Variants in TSHZ2 observed in about 807,000 individuals in gnomAD.
The protein encoded by TSHZ2 is teashirt homolog 2.
A neutral mutation model predicts 74.4 loss-of-function variants in TSHZ2; 21 were observed. The observed-to-expected ratio is 0.28, with a 90% confidence interval of 0.20 to 0.41. The LOEUF is 0.41. TSHZ2 is among the 10% of genes least tolerant of loss of function. The probability of loss-of-function intolerance (pLI) is 1.00; values close to 1 mark genes in which losing one functional copy is unlikely to be tolerated. For synonymous variants in TSHZ2, 540 were observed against 515.3 expected (o/e 1.05, Z -0.65); for missense variants, 1,244 against 1,293.5 (o/e 0.96, Z 0.59).
At chr20:53,371,870 G>A (rs1396542516) in intron 2 of TSHZ2, among the ~76,000 whole-genome samples, 1 of 133,272 alleles carries the variant, frequency 7.5e-6, no homozygotes, top group Non-Finnish European at 1.5e-5. Flanking sequence ...GAGAGACTCC[G>A]TCTCAAAAAA....
chr20:53,151,073 G>A (rs1384990119), intron 1 of TSHZ2, among the ~76,000 whole-genome samples: 1 of 152,126 alleles, frequency 6.6e-6, no homozygotes, highest in East Asian at 1.9e-4. Flanking sequence ...ATGTATTTAA[G>A]GCCTTATCAT....
intron 1 of TSHZ2, among the ~76,000 whole-genome samples, chr20:53,163,281 C>T (rs1235836956): frequency 6.8e-6 from 1 of 146,384 alleles, no homozygotes; most frequent in African/African-American, 2.5e-5. Context: ...ATATGGCAAA[C>T]ATATTGGGAT....
At chr20:53,224,322 T>A (rs1329232089) in intron 1 of TSHZ2, among the ~76,000 whole-genome samples, 1 of 152,076 alleles carries the variant, frequency 6.6e-6, no homozygotes, top group Non-Finnish European at 1.5e-5. Context: ...AGCAATAAAG[T>A]GTGAAAGGCT....
Position 53,456,886 on chromosome 20 carries a change from C to A in TSHZ2, c.*9-30258C>A, listed in dbSNP as rs1255799399. Among the ~76,000 whole-genome samples the A allele has an allele frequency of 2.8e-4, 17 of 61,468 alleles. 1 individual carries two copies. The highest frequency in any genetic ancestry group is 6.8e-4 in the South Asian group (1 of 1,472). 40.3% of individuals were successfully genotyped at this position (61,468 alleles called of 152,430 possible). A position where few individuals can be genotyped will look rare whatever the true frequency, so the allele number is the denominator to read the frequency against. On this transcript the variant is annotated intron_variant, in intron 2 of 2. Transcript: ENST00000371497. ...TAGTTGTAGATATGCGGCATTATTTCTGAGGGCTCTGTTCTGTTCCATTGA... is the reference window on the plus strand; with the variant it reads ...TAGTTGTAGATATGCGGCATTATTTATGAGGGCTCTGTTCTGTTCCATTGA...
intron 1 of TSHZ2, among the ~76,000 whole-genome samples, chr20:52,975,410 G>A (rs1017432536): frequency 6.6e-6 from 1 of 152,050 alleles, no homozygotes; most frequent in Non-Finnish European, 1.5e-5. Flanking sequence ...CGATCGATAA[G>A]GATCCAGGTG....
rs1278983449 is a variant in TSHZ2, at chr20:53,106,705, TTG to T, written c.40+133374_40+133375del. On this transcript the variant is annotated intron_variant, in intron 1 of 2. Coordinates refer to ENST00000371497, the MANE Select transcript of TSHZ2 (RefSeq NM_173485.6). ...GAGCCACCACGCAGGGCATTTTTTT[TTG>T]TTTTTTTTTTGACACAGAGTCCCTC... is the stretch of plus-strand genomic sequence containing the variant. Among the ~76,000 whole-genome samples, 963 of 113,024 alleles carry T rather than the reference TTG, an allele frequency of 8.5e-3. 40 individuals carry two copies. The highest frequency in any genetic ancestry group is 0.03 in the African/African-American group (866 of 28,760). 74.1% of individuals were successfully genotyped at this position (113,024 alleles called of 152,430 possible).
chr20:53,299,316 T>A (rs891727171), intron 2 of TSHZ2, among the ~76,000 whole-genome samples: 1 of 152,212 alleles, frequency 6.6e-6, no homozygotes, highest in African/African-American at 2.4e-5. Flanking sequence ...GTAAAACAAC[T>A]TGAACTGCTC....
chr20:53,459,888 C>T (rs1001687998), intron 2 of TSHZ2, among the ~76,000 whole-genome samples: 1 of 152,140 alleles, frequency 6.6e-6, no homozygotes, highest in African/African-American at 2.4e-5. Context: ...TATTGGCCCC[C>T]ACTCTTTCTG....
chr20:53,025,031 TA>T (rs1258938279), intron 1 of TSHZ2, among the ~76,000 whole-genome samples: 1 of 152,130 alleles, frequency 6.6e-6, no homozygotes, highest in Non-Finnish European at 1.5e-5. Context: ...GTGTGTAAAT[TA>T]TATGCATATG....
intron 1 of TSHZ2, among the ~76,000 whole-genome samples, chr20:53,240,758 G>GATAGATAT (rs1208854257): frequency 2.6e-5 from 4 of 151,948 alleles, no homozygotes; most frequent in Non-Finnish European, 5.9e-5. Flanking sequence ...TAGATAGATA[G>GATAGATAT]ATAGATAGAT....
At chr20:53,060,727 G>GT (rs1475463414) in intron 1 of TSHZ2, among the ~76,000 whole-genome samples, 1 of 152,130 alleles carries the variant, frequency 6.6e-6, no homozygotes, top group Non-Finnish European at 1.5e-5. Flanking sequence ...GTTTAAAAGT[G>GT]TTTTTTCATA....
At chr20:52,977,568 C>G (rs1010567916) in intron 1 of TSHZ2, among the ~76,000 whole-genome samples, 1 of 151,898 alleles carries the variant, frequency 6.6e-6, no homozygotes, top group African/African-American at 2.4e-5. Context: ...GGATAGATTC[C>G]TTGAAATCGC....
chr20:53,295,723 T>C (rs1991364451), intron 2 of TSHZ2, among the ~76,000 whole-genome samples: 1 of 152,212 alleles, frequency 6.6e-6, no homozygotes, highest in Non-Finnish European at 1.5e-5. Context: ...CAGATCCTGA[T>C]GCTTGCCTAA....
At chr20:53,252,855 C>T (rs982661175) in intron 1 of TSHZ2, among the ~76,000 whole-genome samples, 2 of 152,142 alleles carry the variant, frequency 1.3e-5, no homozygotes, top group East Asian at 1.9e-4. Flanking sequence ...ATTTGCTGAG[C>T]TTATATAATT....
At chr20:53,026,828 C>T (rs1325034967) in intron 1 of TSHZ2, among the ~76,000 whole-genome samples, 5 of 152,038 alleles carry the variant, frequency 3.3e-5, no homozygotes, top group Admixed American at 1.3e-4. Flanking sequence ...GCTGTAGAAG[C>T]TTAGTTTTAA....
At chr20:53,400,012 G>C (rs901400744) in intron 2 of TSHZ2, 21 of 152,512 alleles carry the variant, frequency 1.4e-4, no homozygotes, top group African/African-American at 5.1e-4. Context: ...CTGACCACAG[G>C]CTGGCCACTC....
chr20:53,320,399 G>A (rs2145520495), intron 2 of TSHZ2, among the ~76,000 whole-genome samples: 1 of 152,244 alleles, frequency 6.6e-6, no homozygotes, highest in African/African-American at 2.4e-5. Context: ...TTGCCTCTGG[G>A]CAATATTTTC....
intron 2 of TSHZ2, among the ~76,000 whole-genome samples, chr20:53,287,713 A>G (rs2145449672): frequency 6.6e-6 from 1 of 152,356 alleles, no homozygotes; most frequent in African/African-American, 2.4e-5. Flanking sequence ...TTGTCCTTCT[A>G]AAATTGTTTT....
intron 2 of TSHZ2, among the ~76,000 whole-genome samples, chr20:53,366,205 G>A (rs1409825857): frequency 6.6e-6 from 1 of 152,178 alleles, no homozygotes; most frequent in Non-Finnish European, 1.5e-5. Context: ...CTTGGTCCGG[G>A]ATTCACTGCC....
Sources: allele counts gnomAD v4.1 joint callset (sites outside exome capture counted in the v4.1 genomes callset), GRCh38; gene constraint gnomAD v4.1.1; transcripts MANE v1.5; gene names NCBI Gene and HGNC (gene_info 2026-07-23, HGNC 2026-07-21).